HS3ST3B1: variants seen among roughly 807,000 people sequenced by gnomAD.
HS3ST3B1 encodes the protein heparan sulfate glucosamine 3-O-sulfotransferase 3B1.
A neutral mutation model predicts 21.3 loss-of-function variants in HS3ST3B1; 13 were observed. The observed-to-expected ratio is 0.61, with a 90% CI of 0.40 to 0.97. The LOEUF is 0.97. HS3ST3B1 is among the 50% of genes least tolerant of loss of function. HS3ST3B1 has a pLI of 0.00. For synonymous variants in HS3ST3B1, 234 were observed against 254.8 expected (o/e 0.92, Z 0.78); for missense variants, 459 against 554.8 (o/e 0.83, Z 1.73).
At chr17:14,317,447 C>T (rs1488716967) in intron 1 of HS3ST3B1, among the ~76,000 whole-genome samples, 2 of 152,064 alleles carry the variant, frequency 1.3e-5, no homozygotes, top group South Asian at 2.1e-4. Flanking sequence ...CCATTTTGGT[C>T]GAGGGGCCAT....
At chr17:14,315,144 G>T (rs1166909960) in intron 1 of HS3ST3B1, among the ~76,000 whole-genome samples, 1 of 152,136 alleles carries the variant, frequency 6.6e-6, no homozygotes, top group Non-Finnish European at 1.5e-5. Context: ...GCTGTGGATA[G>T]TCAGGTCACT....
At chr17:14,326,748 A>G (rs149439215) in intron 1 of HS3ST3B1, among the ~76,000 whole-genome samples, 6,822 of 151,794 alleles carry the variant, frequency 0.045, 219 homozygotes, top group East Asian at 0.14. Flanking sequence ...ATGAAACCCC[A>G]TCTCTACTAC....
At chr17:14,343,297 T>C (rs867275859) in intron 1 of HS3ST3B1, among the ~76,000 whole-genome samples, 1 of 152,044 alleles carries the variant, frequency 6.6e-6, no homozygotes, top group South Asian at 2.1e-4. Flanking sequence ...AACATATCCA[T>C]CACCTCACCA....
intron 1 of HS3ST3B1, among the ~76,000 whole-genome samples, chr17:14,332,524 C>G (rs112103497): frequency 6.3e-4 from 96 of 152,176 alleles, no homozygotes; most frequent in African/African-American, 2.0e-3. Context: ...CTCCCACCGC[C>G]CGTTCAAGCT....
intron 1 of HS3ST3B1, chr17:14,304,855 G>A (rs1909079070): frequency 6.6e-6 from 1 of 152,238 alleles, no homozygotes; most frequent in Non-Finnish European, 1.5e-5. Context: ...GAATGGTTGA[G>A]TCTGAGGATC....
In HS3ST3B1 at chr17:14,346,469, T is replaced by TCAAACCCC. The variant is rs1910581946; in HGVS notation, c.*828_*829insCCCCAAAC. Reference sequence around the variant, plus strand: ...TTTCTTCATGTTGGTCAGGCTGGTATCAAACTCCCGACCTCAGGTGATCCG... The same window carrying TCAAACCCC: ...TTTCTTCATGTTGGTCAGGCTGGTATCAAACCCCCAAACTCCCGACCTCAGGTGATCCG... On this transcript the variant is annotated 3_prime_UTR_variant, in exon 2 of 2. Transcript: ENST00000360954. 1 of 152,152 alleles carries TCAAACCCC rather than the reference T, an allele frequency of 6.6e-6. No homozygotes were observed. The highest frequency in any genetic ancestry group is 2.1e-4 in the South Asian group (1 of 4,832). The allele number at this position is 152,152 out of a possible 1,614,324, so 9.4% of individuals were successfully genotyped here. A position where few individuals can be genotyped will look rare whatever the true frequency, so the allele number is the denominator to read the frequency against.
chr17:14,309,146 G>A (rs373933504), intron 1 of HS3ST3B1, among the ~76,000 whole-genome samples: 42 of 152,374 alleles, frequency 2.8e-4, no homozygotes, highest in African/African-American at 9.1e-4. Flanking sequence ...ATCCCGTTCT[G>A]GAAGGGTGGC....
At chr17:14,331,558 G>A (rs1209160600) in intron 1 of HS3ST3B1, among the ~76,000 whole-genome samples, 3 of 152,146 alleles carry the variant, frequency 2.0e-5, no homozygotes, top group Non-Finnish European at 4.4e-5. Context: ...CCTGGAAGAG[G>A]AGGAGGGCTC....
In HS3ST3B1 at chr17:14,315,743, C is replaced by T. The variant is rs1909477241; in HGVS notation, c.554+13671C>T. ...GGCTGGAGCAGGAGAATCACTTGAA[C>T]CCAGGAGGCAGAGGTTGTAGTGAGC... On this transcript the variant is annotated intron_variant, in intron 1 of 1. Transcript: ENST00000360954. Among the ~76,000 whole-genome samples the T allele has an allele frequency of 1.3e-5, 2 of 151,704 alleles. 1 individual carries two copies. Among genetic ancestry groups the T allele is most frequent in the South Asian group, 4.2e-4 (2 of 4,812 alleles).
At chr17:14,319,401 G>T (rs1048552036) in intron 1 of HS3ST3B1, among the ~76,000 whole-genome samples, 1 of 152,148 alleles carries the variant, frequency 6.6e-6, no homozygotes, top group Non-Finnish European at 1.5e-5. Context: ...TATCCATTTG[G>T]AAGCCAACAG....
In HS3ST3B1 at chr17:14,301,617, C is replaced by T. The variant is rs562363434; in HGVS notation, c.99C>T (p.Leu33=). ...PPPPPPVRRK[L]ALLFAMLCVW... ...CCCCGCCGCCGGTGAGGAGGAAGCTCGCGCTGCTCTTCGCCATGCTCTGCG... is the reference window on the plus strand; with the variant it reads ...CCCCGCCGCCGGTGAGGAGGAAGCTTGCGCTGCTCTTCGCCATGCTCTGCG... Residue 33 remains leucine (L), a synonymous_variant, in exon 1 of 2, where the codon CTC becomes CTT. Coordinates refer to ENST00000360954, the MANE Select transcript of HS3ST3B1 (RefSeq NM_006041.3). The T allele has an allele frequency of 1.9e-6, 3 of 1,606,532 alleles. No homozygotes were observed. The highest frequency in any genetic ancestry group is 2.5e-6 in the Non-Finnish European group (3 of 1,178,796).
chr17:14,313,526 C>T (rs540600157), intron 1 of HS3ST3B1, among the ~76,000 whole-genome samples: 7 of 152,264 alleles, frequency 4.6e-5, no homozygotes, highest in African/African-American at 1.2e-4. Flanking sequence ...AACCACTTCT[C>T]GACATGGCTT....
At position 14,323,988 on chromosome 17, in the gene HS3ST3B1, C is replaced by T. The variant is rs141066336; in HGVS notation, c.555-21040C>T. On this transcript the variant is annotated intron_variant, in intron 1 of 1. Coordinates refer to ENST00000360954, the MANE Select transcript of HS3ST3B1 (RefSeq NM_006041.3). ...GATTTTGTCAGAGAATAGAGAACAC[C>T]GCTGAGCTTTTCAGAGAGAGGCAGT... Among the ~76,000 whole-genome samples, 898 of 152,154 alleles carry T rather than the reference C, an allele frequency of 5.9e-3. 6 individuals are homozygous for T. The highest frequency in any genetic ancestry group is 9.3e-3 in the Non-Finnish European group (633 of 67,990).
intron 1 of HS3ST3B1, among the ~76,000 whole-genome samples, chr17:14,318,844 T>A (rs1280724535): frequency 6.6e-6 from 1 of 152,246 alleles, no homozygotes; most frequent in Admixed American, 6.5e-5. Context: ...AACAAGCCCA[T>A]GACTATTTTG....
At chr17:14,332,204 C>A (rs1910035182) in intron 1 of HS3ST3B1, among the ~76,000 whole-genome samples, 1 of 152,138 alleles carries the variant, frequency 6.6e-6, no homozygotes, top group South Asian at 2.1e-4. Context: ...AGAGCCCAGG[C>A]TGTTTTTGGG....
intron 1 of HS3ST3B1, among the ~76,000 whole-genome samples, chr17:14,330,133 A>G (rs1164179020): frequency 6.6e-6 from 1 of 152,200 alleles, no homozygotes; most frequent in Non-Finnish European, 1.5e-5. Flanking sequence ...GCCTCATTTT[A>G]AGGTACATTT....
chr17:14,312,228 C>A (rs542196852), intron 1 of HS3ST3B1, among the ~76,000 whole-genome samples: 1 of 152,020 alleles, frequency 6.6e-6, no homozygotes, highest in Non-Finnish European at 1.5e-5. Context: ...AGGGAGGAAA[C>A]GGAAACTCAC....
rs1340298021 is a variant in HS3ST3B1, at chr17:14,301,509, C to G, written c.-10C>G. 39 of 1,509,850 alleles carry G rather than the reference C, an allele frequency of 2.6e-5. No individual in the cohort carries two copies. The highest frequency in any genetic ancestry group is 3.3e-5 in the Non-Finnish European group (38 of 1,138,986). The allele number at this position is 1,509,850 out of a possible 1,614,324, so 93.5% of individuals were successfully genotyped here. Reference sequence around the variant, plus strand: ...TGAGCCATGTCCCTGGCCGCGCCCGCGGGCAGCGCATGGGGCAGCGCCTGA... The same window carrying G: ...TGAGCCATGTCCCTGGCCGCGCCCGGGGGCAGCGCATGGGGCAGCGCCTGA... On this transcript the variant is annotated 5_prime_UTR_variant, in exon 1 of 2. Transcript: ENST00000360954.
At chr17:14,323,074 T>G (rs1199075348) in intron 1 of HS3ST3B1, among the ~76,000 whole-genome samples, 1 of 151,874 alleles carries the variant, frequency 6.6e-6, no homozygotes, top group Non-Finnish European at 1.5e-5. Flanking sequence ...CCCGGCTAAT[T>G]TTTTTGTATC....
Sources: gnomAD v4.1 joint callset for allele counts (sites outside exome capture counted in the v4.1 genomes callset) on GRCh38, gnomAD v4.1.1 for gene constraint, MANE v1.5 for transcripts, NCBI Gene and HGNC (gene_info 2026-07-23, HGNC 2026-07-21) for gene names.